Variants in PLA2G6 observed in about 807,000 individuals in gnomAD.
PLA2G6 encodes 85/88 kDa calcium-independent phospholipase A2.
In PLA2G6, 62 loss-of-function variants were observed where a neutral mutation model predicts 83.8. The observed-to-expected ratio is 0.74, with a 90% confidence interval of 0.60 to 0.91. PLA2G6 has a LOEUF of 0.91. PLA2G6 is among the 40% of genes least tolerant of loss of function. The probability of loss-of-function intolerance (pLI) is 0.00; values close to 1 mark genes in which losing one functional copy is unlikely to be tolerated. For synonymous variants in PLA2G6, 417 were observed against 449.8 expected (o/e 0.93, Z 0.92); for missense variants, 944 against 1,102.0 (o/e 0.86, Z 2.03).
intron 8 of PLA2G6, among the ~76,000 whole-genome samples, chr22:38,129,143 G>A (rs1286021509): frequency 6.6e-6 from 1 of 152,250 alleles, no homozygotes; most frequent in East Asian, 1.9e-4. Context: ...CCCCAACGGT[G>A]GGGAAAGAAG....
rs540616575 is a variant in PLA2G6 at position 38,133,248 on chromosome 22, A to G, written c.895-235T>C. ...AGCCAAAGATGTGCTGACTGTTTTA[A>G]GAGGCTTCTGGTCCTTTCCTAGTGC... On this transcript the variant is annotated intron_variant, in intron 6 of 16. Coordinates refer to ENST00000332509, the MANE Select transcript of PLA2G6 (RefSeq NM_003560.4). 38 of 588,588 alleles carry G rather than the reference A, an allele frequency of 6.5e-5. No homozygotes were observed. The South Asian group carries it at 7.7e-4, about 12-fold the overall frequency. 36.5% of individuals were successfully genotyped at this position (588,588 alleles called of 1,614,324 possible). A position where few individuals can be genotyped will look rare whatever the true frequency, so the allele number is the denominator to read the frequency against.
intron 14 of PLA2G6, among the ~76,000 whole-genome samples, chr22:38,115,213 G>A (rs565827549): frequency 2.0e-4 from 30 of 152,286 alleles, no homozygotes; most frequent in African/African-American, 7.0e-4. Flanking sequence ...ATCCACAGAG[G>A]TGAGCTCAAG....
chr22:38,112,172 G>C lies in PLA2G6; in HGVS notation c.2410C>G (p.Leu804Val). ...GAGGCTGGGGACCCTCAGGGTGAGA[G>C]CAGCAGCTGGATGAGCTTCTGGAAC... is the stretch of plus-strand genomic sequence containing the variant. ...EEFQKLIQLLLSP is the reference protein window; with the variant it reads ...EEFQKLIQLLVSP The change falls in exon 17 of 17, where the codon CTC (leucine) becomes GTC (valine). Residue 804 changes from leucine to valine, a missense_variant. Transcript: ENST00000332509. 6.3e-7 allele frequency: 1 copy of C among 1,585,142 alleles called. No individual in the cohort carries two copies. Among genetic ancestry groups the C allele is most frequent in the South Asian group, 1.2e-5 (1 of 86,876 alleles).
rs768858806 is a variant in PLA2G6, at chr22:38,126,400, G to A, written c.1398C>T (p.Ile466=). 3.1e-6 allele frequency: 5 copies of A among 1,613,670 alleles called. No individual in the cohort carries two copies. The Admixed American group carries it at 8.3e-5, about 27-fold the overall frequency. ...HISRARKPAF[I]LGSMRDEKRT... is the part of the protein sequence containing the mutation. ...GCTTCTCGTCCCTCATGGAGCCCAG[G>A]ATGAACGCTGGCTTCCGGGCCCGTG... Residue 466 remains isoleucine, a synonymous_variant, in exon 10 of 17, where the codon ATC becomes ATT. Transcript: ENST00000332509.
chr22:38,125,491 G>A (rs1252285514), intron 10 of PLA2G6: 1 of 341,702 alleles, frequency 2.9e-6, no homozygotes, highest in Non-Finnish European at 6.0e-6. Flanking sequence ...CCTGGGAGTG[G>A]AGCTGCCTCT....
At chr22:38,129,712 A>G in intron 7 of PLA2G6, 150 bp from the exon 8 acceptor site, 1 of 708,382 alleles carries the variant, frequency 1.4e-6, no homozygotes, top group South Asian at 1.5e-5. Context: ...CCCCCACCCA[A>G]GTCAATCTGG....
intron 2 of PLA2G6, among the ~76,000 whole-genome samples, chr22:38,157,389 C>G (rs184420586): frequency 7.2e-5 from 11 of 152,184 alleles, no homozygotes; most frequent in Admixed American, 7.2e-4. Context: ...CATACACAAC[C>G]TACCAAGATG....
chr22:38,127,365 G>A (rs760242062), intron 9 of PLA2G6: 12 of 1,307,644 alleles, frequency 9.2e-6, no homozygotes, highest in East Asian at 5.4e-5. Context: ...AGCTAATGCC[G>A]CATGGCTAGG....
Position 38,145,784 on chromosome 22 carries a change from AACACACACACACACACACACACACAC to A in PLA2G6, c.210-157_210-132del, listed in dbSNP as rs132936. 169 of 484,264 alleles carry A rather than the reference AACACACACACACACACACACACACAC, an allele frequency of 3.5e-4. No individual in the cohort carries two copies. The African/African-American group carries it at 3.9e-3, about 11-fold the overall frequency. 30.0% of individuals were successfully genotyped at this position (484,264 alleles called of 1,614,324 possible). ...TCCAGCCCGACTCCCCTCCCAAGCAAACACACACACACACACACACACACACACACACACACACACACACACACACC... is the reference window on the plus strand; with the variant it reads ...TCCAGCCCGACTCCCCTCCCAAGCAAACACACACACACACACACACACACC... On this transcript the variant is annotated intron_variant, in intron 2 of 16. Transcript: ENST00000332509.
chr22:38,145,507 C>G lies in PLA2G6; in HGVS notation c.356G>C (p.Ser119Thr). Residue 119 changes from serine (S) to threonine (T), a missense_variant, in exon 3 of 17, where the codon AGC (serine) becomes ACC (threonine). Transcript: ENST00000332509. Reference sequence around the variant, plus strand: ...CACAGCCAGGTGGGCCACTGACCAGCTGGGGTGGTTACGGATGAGGTCGGT... The same window carrying G: ...CACAGCCAGGTGGGCCACTGACCAGGTGGGGTGGTTACGGATGAGGTCGGT... ...HLTDLIRNHP[S>T]WSVAHLAVEL... 1 of 1,613,128 alleles carries G rather than the reference C, an allele frequency of 6.2e-7. No individual in the cohort carries two copies. Among genetic ancestry groups the G allele is most frequent in the Middle Eastern group, 1.7e-4 (1 of 5,974 alleles).
intron 5 of PLA2G6, 180 bp from the exon 6 acceptor site, chr22:38,135,264 T>C: frequency 1.7e-6 from 1 of 602,840 alleles, no homozygotes; most frequent in African/African-American, 1.8e-5. Context: ...AAGGCACAAC[T>C]AACCCCCTCC....
At chr22:38,122,484 G>A (rs955762121) in intron 11 of PLA2G6, among the ~76,000 whole-genome samples, 5 of 152,126 alleles carry the variant, frequency 3.3e-5, no homozygotes, top group Admixed American at 6.5e-5. Flanking sequence ...AGGCGCCTTC[G>A]CAAAGCGGCA....
chr22:38,149,089 T>C (rs1407235656), intron 2 of PLA2G6: 1 of 152,804 alleles, frequency 6.5e-6, no homozygotes, highest in African/African-American at 2.4e-5. Flanking sequence ...ATGGTCTTGA[T>C]CTCCTGATCT....
rs1569258875 is a variant in PLA2G6, at chr22:38,128,472, AATG to A, written c.1187-45_1187-43del. The A allele has an allele frequency of 1.2e-6, 2 of 1,606,672 alleles. No individual in the cohort carries two copies. The highest frequency in any genetic ancestry group is 1.7e-6 in the Non-Finnish European group (2 of 1,174,154). Reference sequence around the variant, plus strand: ...GAAGGGGAGATGGCACAGGATCAGAAATGATGTCAACATGCAAAGGAGAGGCCC... The same window carrying A: ...GAAGGGGAGATGGCACAGGATCAGAAATGTCAACATGCAAAGGAGAGGCCC... On this transcript the variant is annotated intron_variant, in intron 8 of 16. Coordinates refer to ENST00000332509, the MANE Select transcript of PLA2G6 (RefSeq NM_003560.4). The surrounding 1 kb of genome is among the most constrained non-coding windows in gnomAD (Gnocchi z 4.4).
chr22:38,146,782 C>CTTTTCTTTTCTT (rs546128922), intron 2 of PLA2G6: 3 of 133,134 alleles, frequency 2.3e-5, no homozygotes, highest in Non-Finnish European at 4.7e-5. Flanking sequence ...CTTTTCTTTT[C>CTTTTCTTTTCTT]TTTTTTTTTT....
chr22:38,112,119 A>T lies in PLA2G6; in HGVS notation c.*42T>A. Reference sequence around the variant, plus strand: ...GCTGGGCTTGGCCTGGCAGGGGCTGAATGGACGAGGTCAGCTGGGGCCGGT... The same window carrying T: ...GCTGGGCTTGGCCTGGCAGGGGCTGTATGGACGAGGTCAGCTGGGGCCGGT... On this transcript the variant is annotated 3_prime_UTR_variant, in exon 17 of 17. Transcript: ENST00000332509. 1 of 1,555,668 alleles carries T rather than the reference A, an allele frequency of 6.4e-7. No homozygotes were observed. Among genetic ancestry groups the T allele is most frequent in the Non-Finnish European group, 8.7e-7 (1 of 1,150,326 alleles).
At chr22:38,116,452 C>A in intron 12 of PLA2G6, 1 of 678,304 alleles carries the variant, frequency 1.5e-6, no homozygotes, top group Non-Finnish European at 2.8e-6. Context: ...TTTTGAAAGG[C>A]TAATCCAATG....
In PLA2G6 at chr22:38,123,070, C is replaced by A. The variant is rs1319436761; in HGVS notation, c.1591+25G>T. On this transcript the variant is annotated intron_variant, in intron 11 of 16. Coordinates refer to ENST00000332509, the MANE Select transcript of PLA2G6 (RefSeq NM_003560.4). The surrounding 1 kb of genome is among the most constrained non-coding windows in gnomAD (Gnocchi z 4.1). ...GGACACAGGTCTCAGCCCCGCCTGGCCCCATCCCCAGGGGCCGCCCTCACT... is the reference window on the plus strand; with the variant it reads ...GGACACAGGTCTCAGCCCCGCCTGGACCCATCCCCAGGGGCCGCCCTCACT... The A allele has an allele frequency of 6.5e-7, 1 of 1,545,442 alleles. No individual in the cohort carries two copies. The highest frequency in any genetic ancestry group is 2.0e-5 in the Admixed American group (1 of 51,008).
rs757147858 is a variant in PLA2G6, at chr22:38,113,719, C to T, written c.2035-65G>A. The T allele has an allele frequency of 2.6e-4, 385 of 1,490,262 alleles. 1 individual carries two copies. Among genetic ancestry groups the T allele is most frequent in the Middle Eastern group, 1.7e-3 (10 of 5,856 alleles). The allele number at this position is 1,490,262 out of a possible 1,614,324, so 92.3% of individuals were successfully genotyped here. ...CACAGGTAGGGGGCACGAAGGGGAG[C>T]GTCAAGGGGAGGCCCAAGACTGGGC... On this transcript the variant is annotated intron_variant, in intron 14 of 16. Coordinates refer to ENST00000332509, the MANE Select transcript of PLA2G6 (RefSeq NM_003560.4).
Sources: allele counts gnomAD v4.1 joint callset (sites outside exome capture counted in the v4.1 genomes callset), GRCh38; gene constraint gnomAD v4.1.1; non-coding constraint Gnocchi (gnomAD v3.1); transcripts MANE v1.5; gene names NCBI Gene and HGNC (gene_info 2026-07-23, HGNC 2026-07-21).